Variants in MAGI2 observed in about 807,000 individuals in gnomAD.
MAGI2 encodes the protein membrane-associated guanylate kinase, WW and PDZ domain-containing protein 2.
MAGI2 carries 35 observed loss-of-function variants against 133.3 expected under a neutral mutation model. The ratio of observed to expected loss-of-function variants is 0.26; its 90% CI spans 0.20 to 0.35. MAGI2 has a LOEUF of 0.35. MAGI2 is among the 10% of genes least tolerant of loss of function. The pLI is 1.00. For synonymous variants in MAGI2, 729 were observed against 710.6 expected (o/e 1.03, Z -0.41); for missense variants, 1,636 against 1,863.4 (o/e 0.88, Z 2.25).
intron 3 of MAGI2, among the ~76,000 whole-genome samples, chr7:78,563,619 A>T (rs748213135): frequency 6.6e-6 from 1 of 152,252 alleles, no homozygotes. Flanking sequence ...ATCCCCTGGC[A>T]GATGACTTTT....
intron 7 of MAGI2, among the ~76,000 whole-genome samples, chr7:78,366,109 A>G (rs1380695906): frequency 2.6e-5 from 4 of 152,196 alleles, no homozygotes; most frequent in Non-Finnish European, 5.9e-5. Flanking sequence ...GTAATTAAAC[A>G]TAAGAATGAT....
chr7:78,381,717 T>C (rs966383566), intron 6 of MAGI2, among the ~76,000 whole-genome samples: 1 of 152,156 alleles, frequency 6.6e-6, no homozygotes, highest in African/African-American at 2.4e-5. Flanking sequence ...ACCTCCTTCA[T>C]TATAGAAGAA....
chr7:78,117,285 A>T (rs1236939019), intron 20 of MAGI2, among the ~76,000 whole-genome samples: 2 of 152,086 alleles, frequency 1.3e-5, no homozygotes, highest in African/African-American at 4.8e-5. Context: ...ATCTTAAAGG[A>T]AATAACAGAA....
At chr7:78,722,551 A>G (rs1820366555) in intron 2 of MAGI2, among the ~76,000 whole-genome samples, 1 of 152,084 alleles carries the variant, frequency 6.6e-6, no homozygotes, top group Non-Finnish European at 1.5e-5. Context: ...ACTATAGCCA[A>G]AGAAATATAG....
intron 19 of MAGI2, 35 bp downstream of exon 19, chr7:78,127,162 G>C (rs1246286953): frequency 6.8e-7 from 1 of 1,479,934 alleles, no homozygotes; most frequent in East Asian, 2.3e-5. Context: ...TGGAAGCCTT[G>C]GTCAGGACCC....
chr7:78,590,955 A>G (rs1467867947), intron 3 of MAGI2, among the ~76,000 whole-genome samples: 2 of 152,164 alleles, frequency 1.3e-5, no homozygotes, highest in Non-Finnish European at 2.9e-5. Context: ...ATTGCAATAC[A>G]CTAGCCAAAT....
At chr7:78,413,938 A>C (rs1798075648) in intron 6 of MAGI2, among the ~76,000 whole-genome samples, 2 of 152,082 alleles carry the variant, frequency 1.3e-5, no homozygotes, top group South Asian at 4.1e-4. Context: ...TTTAGACATA[A>C]TGAAGGATTG....
chr7:79,350,051 G>A (rs1036261453), intron 1 of MAGI2, among the ~76,000 whole-genome samples: 1 of 152,084 alleles, frequency 6.6e-6, no homozygotes, highest in Non-Finnish European at 1.5e-5. Flanking sequence ...AGAGGCTGAT[G>A]CTGAGGCCAG....
At chr7:78,356,922 T>C (rs1562879094) in intron 7 of MAGI2, among the ~76,000 whole-genome samples, 1 of 152,226 alleles carries the variant, frequency 6.6e-6, no homozygotes, top group Non-Finnish European at 1.5e-5. Flanking sequence ...GGGTTTAAGC[T>C]ACAATTGAAG....
chr7:78,873,028 G>GA, intron 2 of MAGI2, among the ~76,000 whole-genome samples: 1 of 152,108 alleles, frequency 6.6e-6, no homozygotes, highest in Middle Eastern at 3.4e-3. Context: ...TTTCAAAATT[G>GA]AAAAAATAGA....
At chr7:79,069,104 G>A (rs1011934895) in intron 1 of MAGI2, among the ~76,000 whole-genome samples, 2 of 152,006 alleles carry the variant, frequency 1.3e-5, no homozygotes, top group Non-Finnish European at 1.5e-5. Context: ...TTCTGTAGAT[G>A]TCTATTAGGT....
chr7:78,969,834 A>ATATTAATCAGTGTT (rs1425910685), intron 2 of MAGI2, among the ~76,000 whole-genome samples: 17 of 152,198 alleles, frequency 1.1e-4, no homozygotes, highest in African/African-American at 4.1e-4. Context: ...ATGTTAGCCA[A>ATATTAATCAGTGTT]TATTAATCAG....
At chr7:79,068,333 G>A (rs1193807574) in intron 1 of MAGI2, among the ~76,000 whole-genome samples, 1 of 152,126 alleles carries the variant, frequency 6.6e-6, no homozygotes, top group Non-Finnish European at 1.5e-5. Flanking sequence ...TTAGACTTGG[G>A]AGGCTGTATG....
chr7:78,724,777 C>G (rs1200537304), intron 2 of MAGI2, among the ~76,000 whole-genome samples: 1 of 150,718 alleles, frequency 6.6e-6, no homozygotes, highest in Non-Finnish European at 1.5e-5. Context: ...CAAGGCTAGA[C>G]CACCTAACTT....
chr7:78,381,093 T>C (rs925781489), intron 6 of MAGI2, among the ~76,000 whole-genome samples: 1 of 152,176 alleles, frequency 6.6e-6, no homozygotes, highest in Non-Finnish European at 1.5e-5. Flanking sequence ...ACACCTGTAA[T>C]CTCAGCATTT....
intron 1 of MAGI2, among the ~76,000 whole-genome samples, chr7:79,257,958 T>C (rs943285641): frequency 5.9e-5 from 9 of 152,180 alleles, no homozygotes; most frequent in Non-Finnish European, 1.2e-4. Context: ...AGAGAACATA[T>C]AAGATTAATC....
In MAGI2 at chr7:78,520,782, T is replaced by C. The variant is rs180737189; in HGVS notation, c.754+648A>G. Among the ~76,000 whole-genome samples, 1,133 of 144,160 alleles carry C rather than the reference T, an allele frequency of 7.9e-3. 46 individuals are homozygous for C. The highest frequency in any genetic ancestry group is 0.07 in the Admixed American group (1,040 of 14,826). The allele number at this position is 144,160 out of a possible 152,430, so 94.6% of individuals were successfully genotyped here. ...ATTTGTGTCTAATTCTTCACATATG[T>C]GGTACAATGATCATAAATCAAGGGC... On this transcript the variant is annotated intron_variant, in intron 4 of 21. Transcript: ENST00000354212.
chr7:78,665,702 G>A lies in MAGI2; in HGVS notation c.419-38463C>T, dbSNP rs565394403. On this transcript the variant is annotated intron_variant, in intron 2 of 21. Coordinates refer to ENST00000354212, the MANE Select transcript of MAGI2 (RefSeq NM_012301.4). ...ATAGTCATATCAACAAATTAATAGA[G>A]GAGAAAAAAGAAACCATATATCTAG... Among the ~76,000 whole-genome samples the A allele has an allele frequency of 2.6e-5, 4 of 152,030 alleles. No homozygotes were observed. The South Asian group carries it at 8.3e-4, about 32-fold the overall frequency.
intron 2 of MAGI2, among the ~76,000 whole-genome samples, chr7:78,659,226 G>A (rs4730429): frequency 0.45 from 67,636 of 151,506 alleles, 15,234 homozygotes; most frequent in African/African-American, 0.46. Flanking sequence ...CGAGGCAGGC[G>A]GATCACGAGG....
Sources: allele counts gnomAD v4.1 joint callset (sites outside exome capture counted in the v4.1 genomes callset), GRCh38; gene constraint gnomAD v4.1.1; transcripts MANE v1.5; gene names NCBI Gene and HGNC (gene_info 2026-07-23, HGNC 2026-07-21).